The following UNC5D variants were observed in gnomAD, a reference collection of about 807,000 sequenced individuals.
UNC5D encodes the protein unc-5 netrin receptor D.
UNC5D carries 39 observed loss-of-function variants against 105.4 expected under a neutral mutation model. The observed-to-expected ratio is 0.37, with a 90% confidence interval of 0.29 to 0.48. The LOEUF (loss-of-function observed/expected upper bound fraction) is 0.48. Ranked by LOEUF, UNC5D falls within the 20% of genes least tolerant of loss-of-function variation. The probability of loss-of-function intolerance (pLI) is 0.98; values close to 1 mark genes in which losing one functional copy is unlikely to be tolerated. For missense variants in UNC5D, 991 were observed against 1,202.4 expected, an observed-to-expected ratio of 0.82 and a Z score of 2.60; for synonymous variants, 452 against 450.4, an observed-to-expected ratio of 1.00 and a Z score of -0.04.
intron 16 of UNC5D, among the ~76,000 whole-genome samples, chr8:35,779,200 A>G (rs992003472): frequency 2.0e-5 from 3 of 152,180 alleles, no homozygotes; most frequent in Non-Finnish European, 2.9e-5. Flanking sequence ...AGAACTGCGA[A>G]ATAACGAATT....
At chr8:35,241,293 A>C (rs1802791456) in intron 1 of UNC5D, among the ~76,000 whole-genome samples, 1 of 152,200 alleles carries the variant, frequency 6.6e-6, no homozygotes, top group African/African-American at 2.4e-5. Flanking sequence ...TGCGTAGATA[A>C]TTTTCAGAAT....
intron 4 of UNC5D, among the ~76,000 whole-genome samples, chr8:35,600,565 T>C (rs894704534): frequency 3.3e-5 from 5 of 152,248 alleles, no homozygotes; most frequent in Non-Finnish European, 7.3e-5. Context: ...ATGAGCATTT[T>C]TTCGTGTGTC....
chr8:35,707,930 G>T (rs532575719), intron 8 of UNC5D, among the ~76,000 whole-genome samples: 1 of 152,248 alleles, frequency 6.6e-6, no homozygotes, highest in East Asian at 1.9e-4. Context: ...AGACCTTAGA[G>T]AATCAATGTG....
intron 1 of UNC5D, among the ~76,000 whole-genome samples, chr8:35,529,996 G>T (rs986383226): frequency 8.0e-5 from 12 of 150,550 alleles, no homozygotes; most frequent in African/African-American, 2.9e-4. Context: ...TGCAAACAGG[G>T]ACAATTTGAC....
intron 7 of UNC5D, among the ~76,000 whole-genome samples, chr8:35,695,738 TTTATTTA>T (rs1826727244): frequency 6.6e-6 from 1 of 151,054 alleles, no homozygotes; most frequent in African/African-American, 2.4e-5. Flanking sequence ...TATTTATTTA[TTTATTTA>T]TTTATTTGAA....
Position 35,482,793 on chromosome 8 carries a change from C to CTTTTTTT in UNC5D, c.104-66479_104-66473dup, listed in dbSNP as rs5890816. 2.6e-4 allele frequency among the ~76,000 whole-genome samples: 20 copies of CTTTTTTT among 78,146 alleles called. 2 individuals are homozygous for CTTTTTTT. The highest frequency in any genetic ancestry group is 3.0e-4 in the Non-Finnish European group (13 of 43,038). 51.3% of individuals were successfully genotyped at this position (78,146 alleles called of 152,430 possible). A position where few individuals can be genotyped will look rare whatever the true frequency, so the allele number is the denominator to read the frequency against. The stretch of plus-strand genomic sequence containing the variant: ...TATATCAGTGTGTCATTAAAGAGAT[C>CTTTTTTT]TTTTTTTTTTTTTTTTTTTTTTTTT... On this transcript the variant is annotated intron_variant, in intron 1 of 16. Transcript: ENST00000404895.
In UNC5D at chr8:35,355,914, A is replaced by G. The variant is rs868519125; in HGVS notation, c.103+120027A>G. Reference sequence around the variant, plus strand: ...TCTTGAAAGCAGAGATGGGGCCCTCACCAGACACTAAACCTGGGGAGTCTT... The same window carrying G: ...TCTTGAAAGCAGAGATGGGGCCCTCGCCAGACACTAAACCTGGGGAGTCTT... On this transcript the variant is annotated intron_variant, in intron 1 of 16. Transcript: ENST00000404895. 1.8e-4 allele frequency among the ~76,000 whole-genome samples: 27 copies of G among 152,042 alleles called. 1 individual carries two copies. The highest frequency in any genetic ancestry group is 6.3e-4 in the African/African-American group (26 of 41,410).
intron 4 of UNC5D, among the ~76,000 whole-genome samples, chr8:35,637,898 C>T (rs1448171895): frequency 6.6e-6 from 1 of 152,110 alleles, no homozygotes; most frequent in Non-Finnish European, 1.5e-5. Flanking sequence ...TCTTCAGTCC[C>T]CATGTGCCGG....
chr8:35,433,810 T>C (rs1332013143), intron 1 of UNC5D, among the ~76,000 whole-genome samples: 1 of 148,402 alleles, frequency 6.7e-6, no homozygotes, highest in African/African-American at 2.5e-5. Context: ...GATTGCACCA[T>C]TGCACTCCAG....
chr8:35,350,069 A>AT (rs1176598986), intron 1 of UNC5D, among the ~76,000 whole-genome samples: 11 of 151,438 alleles, frequency 7.3e-5, no homozygotes, highest in Middle Eastern at 3.4e-3. Context: ...AAATTAATTT[A>AT]TTTTTTTTGC....
chr8:35,449,856 G>A (rs559454987), intron 1 of UNC5D, among the ~76,000 whole-genome samples: 5 of 152,062 alleles, frequency 3.3e-5, no homozygotes, highest in African/African-American at 1.2e-4. Context: ...ACTATGTGCC[G>A]CCTTCTAGTC....
intron 5 of UNC5D, 85 bp from the exon 6 acceptor site, chr8:35,684,497 C>A: frequency 6.7e-7 from 1 of 1,499,732 alleles, no homozygotes; most frequent in Non-Finnish European, 9.0e-7. Flanking sequence ...TGACTCACAG[C>A]ACCTGGCACA....
chr8:35,312,259 A>G (rs1232934175), intron 1 of UNC5D, among the ~76,000 whole-genome samples: 1 of 152,242 alleles, frequency 6.6e-6, no homozygotes, highest in Non-Finnish European at 1.5e-5. Context: ...CCAGGATGAC[A>G]TAATTGTCAA....
chr8:35,454,921 G>A (rs1171248830), intron 1 of UNC5D, among the ~76,000 whole-genome samples: 1 of 152,132 alleles, frequency 6.6e-6, no homozygotes, highest in Non-Finnish European at 1.5e-5. Flanking sequence ...TTCTCTAGAA[G>A]TCATTTAGAA....
At chr8:35,647,595 G>A (rs1444248928) in intron 4 of UNC5D, among the ~76,000 whole-genome samples, 1 of 152,136 alleles carries the variant, frequency 6.6e-6, no homozygotes, top group South Asian at 2.1e-4. Context: ...TATGAATATT[G>A]TGTAGATTCT....
At chr8:35,627,997 T>C (rs1449603360) in intron 4 of UNC5D, among the ~76,000 whole-genome samples, 1 of 152,142 alleles carries the variant, frequency 6.6e-6, no homozygotes, top group Non-Finnish European at 1.5e-5. Flanking sequence ...GGGGGTGTGG[T>C]TGAGGGAACA....
chr8:35,558,748 CGAGGTGG>C (rs1301172444), intron 2 of UNC5D, among the ~76,000 whole-genome samples: 4 of 152,046 alleles, frequency 2.6e-5, no homozygotes, highest in Admixed American at 2.6e-4. Context: ...TTTGGGAGGC[CGAGGTGG>C]GCGGGTCACT....
At chr8:35,730,517 T>C (rs1829128251) in intron 10 of UNC5D, among the ~76,000 whole-genome samples, 2 of 152,168 alleles carry the variant, frequency 1.3e-5, no homozygotes, top group African/African-American at 2.4e-5. Context: ...AGTACCACCT[T>C]CAACTTGCTT....
chr8:35,774,591 G>A (rs1802155528), intron 16 of UNC5D, 114 bp downstream of exon 16: 6 of 1,348,762 alleles, frequency 4.4e-6, no homozygotes, highest in Non-Finnish European at 6.0e-6. Context: ...AGTTCCTCTG[G>A]CCATATTTCC....
Sources: allele counts gnomAD v4.1 joint callset (sites outside exome capture counted in the v4.1 genomes callset), GRCh38; gene constraint gnomAD v4.1.1; transcripts MANE v1.5; gene names NCBI Gene and HGNC (gene_info 2026-07-23, HGNC 2026-07-21).